The following WDR77 variants were observed in gnomAD, a reference collection of about 807,000 sequenced individuals.
The protein encoded by WDR77 is methylosome protein WDR77.
WDR77 carries 31 observed loss-of-function variants against 44.0 expected under a neutral mutation model. The ratio of observed to expected loss-of-function variants is 0.70; its 90% CI spans 0.53 to 0.95. The LOEUF (loss-of-function observed/expected upper bound fraction) is 0.95. Among genes scored for constraint, WDR77 ranks in the 40% least tolerant of loss-of-function variants. WDR77 has a pLI of 0.00. For missense variants in WDR77, 390 were observed against 423.9 expected (o/e 0.92, Z 0.70); for synonymous variants, 186 against 165.7 (o/e 1.12, Z -0.94).
intron 1 of WDR77, 32 bp from the exon 2 acceptor site, chr1:111,448,836 G>C (rs774924444): frequency 1.0e-4 from 161 of 1,554,004 alleles, no homozygotes; most frequent in Non-Finnish European, 1.4e-4. Context: ...AGCGCGTGAA[G>C]GGTAGAAGGG....
At chr1:111,441,946 A>G in intron 9 of WDR77, 79 bp downstream of exon 9, 1 of 1,339,480 alleles carries the variant, frequency 7.5e-7, no homozygotes, top group Non-Finnish European at 1.1e-6. Flanking sequence ...AGCACAACAC[A>G]GTTTTCTGAA....
At position 111,441,221 on chromosome 1, in the gene WDR77, A is replaced by C. The variant is rs1652798649; in HGVS notation, c.*9T>G. 6.7e-7 allele frequency: 1 copy of C among 1,488,602 alleles called. No individual in the cohort carries two copies. Among genetic ancestry groups the C allele is most frequent in the African/African-American group, 1.4e-5 (1 of 70,420 alleles). 92.2% of individuals were successfully genotyped at this position (1,488,602 alleles called of 1,614,324 possible). The stretch of plus-strand genomic sequence containing the variant: ...TCATGGGGGACTTGCTTTTTGTCTT[A>C]AATCCAATCTACTCAGTAACACTTG... On this transcript the variant is annotated 3_prime_UTR_variant, in exon 10 of 10. Transcript: ENST00000235090.
rs374674543 is a variant in WDR77 at position 111,448,729 on chromosome 1, G to A, written c.191C>T (p.Pro64Leu). 15 of 1,613,756 alleles carry A rather than the reference G, an allele frequency of 9.3e-6. No individual in the cohort carries two copies. In the African/African-American group the frequency reaches 1.5e-4, roughly 16 times the overall value. ...WAGSLWLFKD[P>L]CAAPNEGFCS... ...GAAGCCTTCGTTGGGGGCGGCACAG[G>A]GGTCCTTAAAAAGCCAGAGGGAGCC... is the stretch of plus-strand genomic sequence containing the variant. The change falls in exon 2 of 10, where the codon CCC (proline) becomes CTC (leucine). Residue 64 changes from proline to leucine, a missense_variant. Coordinates refer to ENST00000235090, the MANE Select transcript of WDR77 (RefSeq NM_024102.4).
intron 4 of WDR77, among the ~76,000 whole-genome samples, chr1:111,445,879 G>A (rs964303192): frequency 5.3e-5 from 8 of 151,908 alleles, no homozygotes; most frequent in Admixed American, 3.9e-4. Context: ...AGCACTTCTC[G>A]GGCCTCAGCC....
At chr1:111,446,931 C>T in intron 4 of WDR77, 164 bp downstream of exon 4, 2 of 687,528 alleles carry the variant, frequency 2.9e-6, no homozygotes, top group Non-Finnish European at 5.0e-6. Context: ...AAGAAAGAAA[C>T]AAGGAAATTG....
intron 8 of WDR77, 107 bp from the exon 9 acceptor site, chr1:111,442,200 C>T (rs369536533): frequency 6.7e-6 from 7 of 1,046,002 alleles, no homozygotes; most frequent in East Asian, 4.9e-5. Flanking sequence ...GAGAGGCAGC[C>T]TGATTCCCAC....
chr1:111,442,235 G>C, intron 8 of WDR77, 142 bp from the exon 9 acceptor site: 1 of 721,488 alleles, frequency 1.4e-6, no homozygotes, highest in Non-Finnish European at 2.4e-6. Flanking sequence ...GCTACTACAA[G>C]TCCACACTAA....
chr1:111,449,042 G>T lies in WDR77; in HGVS notation c.115+13C>A. On this transcript the variant is annotated intron_variant, in intron 1 of 9. Transcript: ENST00000235090. ...GGGGTAAGGGAGCTCCCAGGCCCGG[G>T]ATCTCGGCTCACCGGACCGGTACCG... The T allele has an allele frequency of 6.4e-7, 1 of 1,572,658 alleles. No individual in the cohort carries two copies.
chr1:111,447,278 G>C (rs1230377429), intron 3 of WDR77, 134 bp from the exon 4 acceptor site: 11 of 1,458,370 alleles, frequency 7.5e-6, no homozygotes, highest in Admixed American at 1.9e-5. Flanking sequence ...GTCTACTTAC[G>C]ATGGACTGCA....
rs1416504670 is a variant in WDR77, at chr1:111,441,106, A to G, written c.*124T>C. ...TCCCTCAGGCTGAGAGACGATGCCT[A>G]TTAACGGCACAGATCTAGCATATCA... On this transcript the variant is annotated 3_prime_UTR_variant, in exon 10 of 10. Coordinates refer to ENST00000235090, the MANE Select transcript of WDR77 (RefSeq NM_024102.4). 3.3e-5 allele frequency: 36 copies of G among 1,089,204 alleles called. No individual in the cohort carries two copies. The highest frequency in any genetic ancestry group is 1.1e-4 in the South Asian group (3 of 27,130). 67.5% of individuals were successfully genotyped at this position (1,089,204 alleles called of 1,614,324 possible).
In WDR77 at chr1:111,448,727, A is replaced by G; in HGVS notation, c.193T>C (p.Cys65Arg). The change falls in exon 2 of 10, where the codon TGT becomes CGT. Residue 65 changes from cysteine (C) to arginine (R), a missense_variant. Transcript: ENST00000235090. ...AGSLWLFKDP[C>R]AAPNEGFCSA... The stretch of plus-strand genomic sequence containing the variant: ...CAGAAGCCTTCGTTGGGGGCGGCAC[A>G]GGGGTCCTTAAAAAGCCAGAGGGAG... 1 of 1,613,968 alleles carries G rather than the reference A, an allele frequency of 6.2e-7. No homozygotes were observed. Among genetic ancestry groups the G allele is most frequent in the Non-Finnish European group, 8.5e-7 (1 of 1,179,900 alleles).
rs1652742212 is a variant in WDR77, at chr1:111,440,046, G to T, written c.*1184C>A. On this transcript the variant is annotated 3_prime_UTR_variant, in exon 10 of 10. Transcript: ENST00000235090. ...CTGCAAAGCTCAAAAGTACATAATT[G>T]ATTATATTTACTTTCAATATAATCA... 1 of 152,496 alleles carries T rather than the reference G, an allele frequency of 6.6e-6. No individual in the cohort carries two copies. Among genetic ancestry groups the T allele is most frequent in the Non-Finnish European group, 1.5e-5 (1 of 68,018 alleles). 9.4% of individuals were successfully genotyped at this position (152,496 alleles called of 1,614,324 possible).
intron 3 of WDR77, 133 bp from the exon 4 acceptor site, chr1:111,447,277 C>G (rs1330185776): frequency 1.4e-6 from 2 of 1,457,074 alleles, no homozygotes; most frequent in Non-Finnish European, 1.9e-6. Flanking sequence ...GGTCTACTTA[C>G]GATGGACTGC....
chr1:111,448,187 A>C (rs1653132123), intron 2 of WDR77, among the ~76,000 whole-genome samples: 1 of 139,764 alleles, frequency 7.2e-6, no homozygotes, highest in African/African-American at 3.0e-5. Context: ...TCTGATTTTA[A>C]AAAAAAAAAA....
Position 111,443,941 on chromosome 1 carries a change from A to G in WDR77, c.565-20T>C, listed in dbSNP as rs1236512893. 1 of 1,614,158 alleles carries G rather than the reference A, an allele frequency of 6.2e-7. No individual in the cohort carries two copies. The highest frequency in any genetic ancestry group is 8.5e-7 in the Non-Finnish European group (1 of 1,179,978). On this transcript the variant is annotated intron_variant, in intron 5 of 9. Transcript: ENST00000235090. ...ATTGTCCTAGAGGAAGGTGGAACAG[A>G]AAAAGGATTTCATAATCCAAAGGAG...
Position 111,449,143 on chromosome 1 carries a change from T to TAG in WDR77, c.25_26dup (p.Val10Ter). 7 of 1,589,578 alleles carry TAG rather than the reference T, an allele frequency of 4.4e-6. No individual in the cohort carries two copies. Among genetic ancestry groups the TAG allele is most frequent in the Non-Finnish European group, 6.0e-6 (7 of 1,173,232 alleles). ...TCCACTCCCGGGCCGCCGGGGGCAC[T>TAG]AGGGGGGGTGGGGTTTCCTTCCGCA... On this transcript the variant is annotated frameshift_variant, in exon 1 of 10. Transcript: ENST00000235090. LOFTEE classifies it high-confidence loss of function.
Position 111,441,200 on chromosome 1 carries a change from G to A in WDR77, c.*30C>T, listed in dbSNP as rs758651767. The A allele has an allele frequency of 1.4e-5, 20 of 1,464,870 alleles. No homozygotes were observed. Among genetic ancestry groups the A allele is most frequent in the Non-Finnish European group, 1.8e-5 (20 of 1,101,046 alleles). The allele number at this position is 1,464,870 out of a possible 1,614,324, so 90.7% of individuals were successfully genotyped here. On this transcript the variant is annotated 3_prime_UTR_variant, in exon 10 of 10. Coordinates refer to ENST00000235090, the MANE Select transcript of WDR77 (RefSeq NM_024102.4). The stretch of plus-strand genomic sequence containing the variant: ...GCAGGGCAAAGAAGTGGACACTCAT[G>A]GGGGACTTGCTTTTTGTCTTAAATC...
intron 9 of WDR77, chr1:111,441,628 A>G (rs1025036206): frequency 1.6e-6 from 2 of 1,281,022 alleles, no homozygotes; most frequent in Non-Finnish European, 2.0e-6. Flanking sequence ...GACAGTGATG[A>G]GGGGCAGTAA....
chr1:111,443,757 C>A, intron 6 of WDR77, 110 bp downstream of exon 6: 1 of 1,559,000 alleles, frequency 6.4e-7, no homozygotes. Context: ...TCACTCATGT[C>A]ACAGTAACTA....
Sources: gnomAD v4.1 joint callset for allele counts (sites outside exome capture counted in the v4.1 genomes callset) on GRCh38, gnomAD v4.1.1 for gene constraint, MANE v1.5 for transcripts, NCBI Gene and HGNC (gene_info 2026-07-23, HGNC 2026-07-21) for gene names.